Variants in HSPA12A observed in about 807,000 individuals in gnomAD.
HSPA12A encodes the protein heat shock 70 kDa protein 12A.
Under a neutral mutation model 69.2 loss-of-function variants are expected in HSPA12A, and 28 were observed. That is an observed-to-expected ratio of 0.40 (90% CI 0.30 to 0.55). The LOEUF is 0.55. HSPA12A is among the 20% of genes least tolerant of loss of function. HSPA12A has a pLI of 0.38. For missense variants in HSPA12A, 686 were observed against 900.7 expected (o/e 0.76, Z 3.05); for synonymous variants, 345 against 370.5 (o/e 0.93, Z 0.79).
intron 2 of HSPA12A, among the ~76,000 whole-genome samples, chr10:116,786,509 A>G (rs1844580764): frequency 6.6e-6 from 1 of 152,202 alleles, no homozygotes; most frequent in African/African-American, 2.4e-5. Flanking sequence ...AAATGTCTAA[A>G]GCATTGTTCT....
intron 2 of HSPA12A, among the ~76,000 whole-genome samples, chr10:116,809,599 G>A (rs1845134471): frequency 2.0e-5 from 3 of 152,194 alleles, no homozygotes. Flanking sequence ...CGCTGCTGCT[G>A]TTTCATCAAC....
At chr10:116,791,649 T>C (rs1047684966) in intron 2 of HSPA12A, among the ~76,000 whole-genome samples, 5 of 152,182 alleles carry the variant, frequency 3.3e-5, no homozygotes, top group African/African-American at 4.8e-5. Flanking sequence ...TATCCTTAAA[T>C]TTTACCCAAT....
intron 2 of HSPA12A, among the ~76,000 whole-genome samples, chr10:116,794,771 C>G (rs1449842489): frequency 6.6e-6 from 1 of 152,162 alleles, no homozygotes; most frequent in Non-Finnish European, 1.5e-5. Flanking sequence ...CGAGATCACA[C>G]CACTGCACTC....
intron 1 of HSPA12A, among the ~76,000 whole-genome samples, chr10:116,837,469 G>A (rs1373866468): frequency 6.6e-6 from 1 of 152,048 alleles, no homozygotes; most frequent in East Asian, 1.9e-4. Flanking sequence ...TTTATAAAAA[G>A]GCAAAAACAT....
rs1238198592 is a variant in HSPA12A at position 116,672,137 on chromosome 10, CACACTT to C, written c.*2638_*2643del. ...AAAAGAGGGGCTTGACCATGTTACT[CACACTT>C]ACACTTAGCCCAGCAGAAAAGCTGG... On this transcript the variant is annotated 3_prime_UTR_variant, in exon 12 of 12. Coordinates refer to ENST00000369209, the MANE Select transcript of HSPA12A (RefSeq NM_025015.3). 1.3e-5 allele frequency: 2 copies of C among 152,240 alleles called. No homozygotes were observed. Among genetic ancestry groups the C allele is most frequent in the African/African-American group, 4.8e-5 (2 of 41,466 alleles). 9.4% of individuals were successfully genotyped at this position (152,240 alleles called of 1,614,324 possible). A position where few individuals can be genotyped will look rare whatever the true frequency, so the allele number is the denominator to read the frequency against.
At chr10:116,685,639 A>G (rs1308385308) in intron 6 of HSPA12A, among the ~76,000 whole-genome samples, 2 of 140,338 alleles carry the variant, frequency 1.4e-5, no homozygotes, top group Non-Finnish European at 3.1e-5. Flanking sequence ...CCATCTCAAG[A>G]AAAAAAAAAA....
At chr10:116,756,480 G>GC (rs1430938859) in intron 2 of HSPA12A, among the ~76,000 whole-genome samples, 1 of 152,224 alleles carries the variant, frequency 6.6e-6, no homozygotes, top group African/African-American at 2.4e-5. Context: ...GCCTTCTGAG[G>GC]CCCCAAGAGT....
At position 116,681,803 on chromosome 10, in the gene HSPA12A, C is replaced by T. The variant is rs199981914; in HGVS notation, c.910G>A (p.Glu304Lys). The T allele has an allele frequency of 1.9e-6, 3 of 1,613,974 alleles. No homozygotes were observed. The highest frequency in any genetic ancestry group is 1.3e-5 in the African/African-American group (1 of 75,040). The change falls in exon 8 of 12, where the codon GAG (glutamate) becomes AAG (lysine). Residue 304 changes from glutamate (E) to lysine (K), a missense_variant. Transcript: ENST00000369209. ...VENVIGEIWS[E>K]LEEGDKYVVV... ...TGAAGGACGCTACCTTCCTCCAGCT[C>T]GGACCAGATTTCTCCTATGACATTC...
At chr10:116,702,915 C>A (rs1292179328) in intron 3 of HSPA12A, among the ~76,000 whole-genome samples, 1 of 152,114 alleles carries the variant, frequency 6.6e-6, no homozygotes, top group Non-Finnish European at 1.5e-5. Context: ...CATAAGTACC[C>A]CTCCCCAAGC....
At chr10:116,751,425 C>T (rs189108605) in intron 2 of HSPA12A, among the ~76,000 whole-genome samples, 375 of 152,184 alleles carry the variant, frequency 2.5e-3, no homozygotes, top group Non-Finnish European at 4.3e-3. Flanking sequence ...AATGCATATG[C>T]GTTGTGCACT....
intron 1 of HSPA12A, among the ~76,000 whole-genome samples, chr10:116,718,630 T>G (rs1850680649): frequency 6.6e-6 from 1 of 152,174 alleles, no homozygotes; most frequent in Non-Finnish European, 1.5e-5. Context: ...GGGCTGCACT[T>G]ACCCAGAGGT....
chr10:116,747,687 G>A (rs1411486412), intron 2 of HSPA12A, among the ~76,000 whole-genome samples: 1 of 152,188 alleles, frequency 6.6e-6, no homozygotes. Context: ...TGGATGGAAT[G>A]AATAAATGGT....
intron 1 of HSPA12A, among the ~76,000 whole-genome samples, chr10:116,726,065 G>A (rs1203228191): frequency 9.7e-6 from 1 of 103,006 alleles, no homozygotes; most frequent in Non-Finnish European, 2.3e-5. Context: ...AACAGGCCAA[G>A]CAGGACAAGG....
intron 1 of HSPA12A, among the ~76,000 whole-genome samples, chr10:116,713,984 A>G (rs1400087827): frequency 6.6e-6 from 1 of 151,256 alleles, no homozygotes; most frequent in Admixed American, 6.6e-5. Context: ...TGTCACAAGC[A>G]CTCAATGTTG....
At chr10:116,785,406 G>A (rs1844554723) in intron 2 of HSPA12A, among the ~76,000 whole-genome samples, 1 of 152,022 alleles carries the variant, frequency 6.6e-6, no homozygotes. Context: ...ATCAAGATGT[G>A]GGAGCTGAGA....
chr10:116,726,731 GCCT>G (rs1554885086), intron 1 of HSPA12A, among the ~76,000 whole-genome samples: 1 of 152,160 alleles, frequency 6.6e-6, no homozygotes, highest in East Asian at 1.9e-4. Flanking sequence ...TGGCCCTACT[GCCT>G]CCAGGTGTGC....
intron 2 of HSPA12A, among the ~76,000 whole-genome samples, chr10:116,814,704 C>A (rs1235172638): frequency 6.6e-6 from 1 of 152,200 alleles, no homozygotes; most frequent in Non-Finnish European, 1.5e-5. Flanking sequence ...AAGGACATTT[C>A]TGGGACCTGC....
chr10:116,689,850 G>T (rs782174235), intron 6 of HSPA12A, among the ~76,000 whole-genome samples: 2 of 151,602 alleles, frequency 1.3e-5, no homozygotes, highest in Non-Finnish European at 2.9e-5. Context: ...CATGCAGGAG[G>T]AACTCCCGCT....
At chr10:116,811,159 G>A (rs1015274160) in intron 2 of HSPA12A, among the ~76,000 whole-genome samples, 4 of 152,150 alleles carry the variant, frequency 2.6e-5, no homozygotes, top group Non-Finnish European at 5.9e-5. Context: ...GGAAGACAGA[G>A]GCCACCACTT....
Sources: allele counts gnomAD v4.1 joint callset (sites outside exome capture counted in the v4.1 genomes callset), GRCh38; gene constraint gnomAD v4.1.1; transcripts MANE v1.5; gene names NCBI Gene and HGNC (gene_info 2026-07-23, HGNC 2026-07-21).